Variants in HSD17B3 observed in about 807,000 individuals in gnomAD.
HSD17B3 encodes the protein 17-beta-hydroxysteroid dehydrogenase type 3.
A neutral mutation model predicts 41.1 loss-of-function variants in HSD17B3; 29 were observed. That is an observed-to-expected ratio of 0.71 (90% CI 0.53 to 0.96). The LOEUF is 0.96. Ranked by LOEUF, HSD17B3 falls within the 40% of genes least tolerant of loss-of-function variation. The pLI, the probability that HSD17B3 is intolerant of heterozygous loss-of-function variation, is 0.00. For missense variants in HSD17B3, 323 were observed against 374.6 expected, an observed-to-expected ratio of 0.86 and a Z score of 1.14; for synonymous variants, 126 against 145.6, an observed-to-expected ratio of 0.87 and a Z score of 0.97.
At chr9:96,264,052 G>C (rs1564040416) in intron 2 of HSD17B3, among the ~76,000 whole-genome samples, 3 of 152,000 alleles carry the variant, frequency 2.0e-5, no homozygotes, top group African/African-American at 7.2e-5. Flanking sequence ...GCTCAATTGA[G>C]CCATTTTACA....
chr9:96,298,855 T>C (rs1476792446), intron 1 of HSD17B3, among the ~76,000 whole-genome samples: 1 of 152,208 alleles, frequency 6.6e-6, no homozygotes, highest in East Asian at 1.9e-4. Context: ...ATTATCTCTC[T>C]GCCCAGGCAC....
Position 96,301,964 on chromosome 9 carries a change from C to T in HSD17B3, c.141G>A (p.Met47Ile). 6.2e-7 allele frequency: 1 copy of T among 1,614,096 alleles called. No homozygotes were observed. Among genetic ancestry groups the T allele is most frequent in the East Asian group, 2.2e-5 (1 of 44,880 alleles). Residue 47 changes from methionine to isoleucine, a missense_variant, in exon 1 of 11, where the codon ATG becomes ATA. Transcript: ENST00000375263. ...KVLPKSFLRS[M>I]GQWAVITGAG... The stretch of plus-strand genomic sequence containing the variant: ...ACACTCCCTTACCTGCCCACTGTCC[C>T]ATTGACCGCAAGAAAGACTTTGGCA...
At chr9:96,280,107 G>A (rs948998651) in intron 2 of HSD17B3, among the ~76,000 whole-genome samples, 19 of 152,130 alleles carry the variant, frequency 1.2e-4, no homozygotes, top group African/African-American at 2.9e-4. Context: ...TGATATCAGC[G>A]GTGCTCAGCT....
intron 2 of HSD17B3, among the ~76,000 whole-genome samples, chr9:96,288,152 G>A (rs182474889): frequency 1.1e-4 from 16 of 152,326 alleles, no homozygotes; most frequent in African/African-American, 3.1e-4. Context: ...GCAACCAGGT[G>A]TACCTGATCT....
At chr9:96,297,946 C>G (rs1827427617) in intron 2 of HSD17B3, among the ~76,000 whole-genome samples, 1 of 152,132 alleles carries the variant, frequency 6.6e-6, no homozygotes, top group African/African-American at 2.4e-5. Flanking sequence ...TCTAGTGACT[C>G]TCAGTTCTAT....
chr9:96,294,967 G>T (rs1267903985), intron 2 of HSD17B3, among the ~76,000 whole-genome samples: 1 of 147,506 alleles, frequency 6.8e-6, no homozygotes, highest in East Asian at 2.0e-4. Flanking sequence ...AAAATCATCA[G>T]CAGCAGATGA....
At chr9:96,255,961 G>A (rs531487580) in intron 2 of HSD17B3, among the ~76,000 whole-genome samples, 1 of 152,338 alleles carries the variant, frequency 6.6e-6, no homozygotes, top group East Asian at 1.9e-4. Flanking sequence ...ACACGTAAAC[G>A]TGGAGCGCTG....
At chr9:96,294,416 G>A (rs1827271993) in intron 2 of HSD17B3, among the ~76,000 whole-genome samples, 1 of 152,240 alleles carries the variant, frequency 6.6e-6, no homozygotes, top group South Asian at 2.1e-4. Context: ...GTGAAGACTG[G>A]AACCCACAGC....
chr9:96,258,754 T>A (rs1041721937), intron 2 of HSD17B3, among the ~76,000 whole-genome samples: 1 of 152,222 alleles, frequency 6.6e-6, no homozygotes, highest in African/African-American at 2.4e-5. Flanking sequence ...AAGTATATTA[T>A]AGTATCCATT....
At chr9:96,270,961 G>A (rs1010795300) in intron 2 of HSD17B3, among the ~76,000 whole-genome samples, 1 of 146,628 alleles carries the variant, frequency 6.8e-6, no homozygotes, top group East Asian at 2.1e-4. Flanking sequence ...CTCGGGGGGG[G>A]GGGTTAAGAT....
At chr9:96,301,697 T>G (rs111453941) in intron 1 of HSD17B3, among the ~76,000 whole-genome samples, 4 of 109,078 alleles carry the variant, frequency 3.7e-5, no homozygotes, top group Non-Finnish European at 5.5e-5. Flanking sequence ...GGCAACAGAG[T>G]GAGACTCTGT....
intron 9 of HSD17B3, among the ~76,000 whole-genome samples, chr9:96,243,879 G>A (rs1160346703): frequency 1.3e-5 from 2 of 152,168 alleles, no homozygotes; most frequent in Non-Finnish European, 2.9e-5. Flanking sequence ...CTCCCCTGGT[G>A]ACTAGCCCCT....
chr9:96,289,942 G>A (rs1035789825), intron 2 of HSD17B3, among the ~76,000 whole-genome samples: 4 of 152,146 alleles, frequency 2.6e-5, no homozygotes, highest in African/African-American at 9.7e-5. Context: ...TCCTTCTCCT[G>A]TATGTTGGGG....
intron 2 of HSD17B3, among the ~76,000 whole-genome samples, chr9:96,265,159 A>G (rs1160139409): frequency 6.6e-6 from 1 of 152,224 alleles, no homozygotes; most frequent in East Asian, 1.9e-4. Context: ...AAGGTTGGAA[A>G]CAGAGGAGTT....
At chr9:96,292,764 A>T (rs1483253372) in intron 2 of HSD17B3, among the ~76,000 whole-genome samples, 2 of 152,240 alleles carry the variant, frequency 1.3e-5, no homozygotes, top group Non-Finnish European at 2.9e-5. Context: ...AAAAATAAAG[A>T]CAAAGAAAAA....
At chr9:96,269,617 G>A (rs1826163574) in intron 2 of HSD17B3, among the ~76,000 whole-genome samples, 1 of 152,056 alleles carries the variant, frequency 6.6e-6, no homozygotes, top group African/African-American at 2.4e-5. Context: ...AAAAGAAGCA[G>A]ATTAGGCCGG....
chr9:96,244,538 G>T, intron 8 of HSD17B3, 144 bp from the exon 9 acceptor site: 1 of 760,746 alleles, frequency 1.3e-6, no homozygotes, highest in Non-Finnish European at 2.4e-6. Flanking sequence ...GGAGGGTACG[G>T]AGTTTCAGCT....
At chr9:96,284,770 C>A (rs939420687) in intron 2 of HSD17B3, among the ~76,000 whole-genome samples, 3 of 152,098 alleles carry the variant, frequency 2.0e-5, no homozygotes, top group Non-Finnish European at 4.4e-5. Flanking sequence ...AGGGTACAAA[C>A]CCATGACAGG....
chr9:96,295,002 CTTTT>C (rs10541572), intron 2 of HSD17B3, among the ~76,000 whole-genome samples: 15 of 66,162 alleles, frequency 2.3e-4, no homozygotes, highest in Admixed American at 7.2e-4. Context: ...ACACGAGGAG[CTTTT>C]TTTTTTTTTT....
Sources: allele counts gnomAD v4.1 joint callset (sites outside exome capture counted in the v4.1 genomes callset), GRCh38; gene constraint gnomAD v4.1.1; transcripts MANE v1.5; gene names NCBI Gene and HGNC (gene_info 2026-07-23, HGNC 2026-07-21).